SPTSSA: variants seen among roughly 807,000 people sequenced by gnomAD.
SPTSSA encodes serine palmitoyltransferase small subunit A, also known as small subunit of serine palmitoyltransferase A.
A neutral mutation model predicts 9.1 loss-of-function variants in SPTSSA; 8 were observed. The ratio of observed to expected loss-of-function variants is 0.88; its 90% CI spans 0.51 to 1.58. SPTSSA has a LOEUF of 1.58. Ranked by LOEUF, SPTSSA falls within the 40% of genes most tolerant of loss-of-function variation. SPTSSA has a pLI of 0.00. For missense variants in SPTSSA, 100 were observed against 93.8 expected, an observed-to-expected ratio of 1.07 and a Z score of -0.27; for synonymous variants, 42 against 37.7, an observed-to-expected ratio of 1.11 and a Z score of -0.41.
intron 1 of SPTSSA, among the ~76,000 whole-genome samples, chr14:34,449,502 CCTT>C (rs1883481451): frequency 7.6e-6 from 1 of 131,024 alleles, no homozygotes; most frequent in African/African-American, 3.3e-5. Context: ...ACCCGGCCTC[CCTT>C]TTTTTTTTTT....
chr14:34,453,677 T>C (rs530485449), intron 1 of SPTSSA, among the ~76,000 whole-genome samples: 28 of 152,326 alleles, frequency 1.8e-4, no homozygotes, highest in African/African-American at 6.3e-4. Context: ...CTATAAACCA[T>C]ATTATTTTGC....
rs575722580 is a variant in SPTSSA, at chr14:34,450,089, G to A, written c.112+12007C>T. On this transcript the variant is annotated intron_variant, in intron 1 of 1. Coordinates refer to ENST00000298130, the MANE Select transcript of SPTSSA (RefSeq NM_138288.4). Reference sequence around the variant, plus strand: ...CTAGTCTCCTTATCAATAAAATGTGGACACACATCACCTATCTTTCAGGGT... The same window carrying A: ...CTAGTCTCCTTATCAATAAAATGTGAACACACATCACCTATCTTTCAGGGT... 1.1e-3 allele frequency among the ~76,000 whole-genome samples: 163 copies of A among 152,250 alleles called. 1 individual carries two copies. The highest frequency in any genetic ancestry group is 6.0e-3 in the South Asian group (29 of 4,826).
At chr14:34,454,730 G>A (rs1883584459) in intron 1 of SPTSSA, among the ~76,000 whole-genome samples, 1 of 152,168 alleles carries the variant, frequency 6.6e-6, no homozygotes, top group Non-Finnish European at 1.5e-5. Context: ...TTTGCTGGTT[G>A]TCCTTCCCAT....
intron 1 of SPTSSA, among the ~76,000 whole-genome samples, chr14:34,448,753 T>C (rs139939436): frequency 0.011 from 1,658 of 152,270 alleles, 33 homozygotes; most frequent in African/African-American, 0.038. Context: ...TTGTTCAAGA[T>C]GCCAAGAACC....
Position 34,462,172 on chromosome 14 carries a change from C to T in SPTSSA, c.36G>A (p.Gln12=), listed in dbSNP as rs371299315. The change falls in exon 1 of 2, where the codon CAG becomes CAA. Residue 12 remains glutamine (Q), a synonymous_variant. Coordinates refer to ENST00000298130, the MANE Select transcript of SPTSSA (RefSeq NM_138288.4). The part of the protein sequence containing the change: ...AGMALARAWK[Q]MSWFYYQYLL... Reference sequence around the variant, plus strand: ...GGTACTGGTAGTAGAACCAGGACATCTGCTTCCAGGCCCGCGCCAGCGCCA... The same window carrying T: ...GGTACTGGTAGTAGAACCAGGACATTTGCTTCCAGGCCCGCGCCAGCGCCA... The T allele has an allele frequency of 7.6e-5, 116 of 1,534,802 alleles. No individual in the cohort carries two copies. The highest frequency in any genetic ancestry group is 3.5e-5 in the Non-Finnish European group (40 of 1,136,896).
chr14:34,442,018 G>A (rs1883325026), intron 1 of SPTSSA, among the ~76,000 whole-genome samples: 1 of 152,108 alleles, frequency 6.6e-6, no homozygotes. Context: ...TGGGATTACA[G>A]GCGCCCGCCA....
chr14:34,456,454 T>C (rs1878471511), intron 1 of SPTSSA, among the ~76,000 whole-genome samples: 1 of 152,226 alleles, frequency 6.6e-6, no homozygotes, highest in Admixed American at 6.5e-5. Flanking sequence ...ATGAACTGTC[T>C]TTCAGGGTGA....
intron 1 of SPTSSA, among the ~76,000 whole-genome samples, chr14:34,458,974 G>A (rs1175316247): frequency 1.2e-4 from 17 of 143,252 alleles, no homozygotes; most frequent in East Asian, 1.0e-3. Flanking sequence ...GCGTGATCTC[G>A]GCTCACTGCA....
chr14:34,460,948 A>T (rs1878604860), intron 1 of SPTSSA, among the ~76,000 whole-genome samples: 1 of 152,218 alleles, frequency 6.6e-6, no homozygotes, highest in Non-Finnish European at 1.5e-5. Context: ...CAAATTCCTC[A>T]AAAGTGCTTA....
rs1184950446 is a variant in SPTSSA, at chr14:34,434,931, C to T, written c.*270G>A. 1 of 231,964 alleles carries T rather than the reference C, an allele frequency of 4.3e-6. No homozygotes were observed. Among genetic ancestry groups the T allele is most frequent in the Non-Finnish European group, 8.3e-6 (1 of 119,928 alleles). 14.4% of individuals were successfully genotyped at this position (231,964 alleles called of 1,614,324 possible). A position where few individuals can be genotyped will look rare whatever the true frequency, so the allele number is the denominator to read the frequency against. On this transcript the variant is annotated 3_prime_UTR_variant, in exon 2 of 2. Coordinates refer to ENST00000298130, the MANE Select transcript of SPTSSA (RefSeq NM_138288.4). ...CACGGGGGTAATATTGAAACAGTCA[C>T]AAAGGTTAAGAAAATACTGATATCA...
intron 1 of SPTSSA, among the ~76,000 whole-genome samples, chr14:34,451,293 C>G (rs1240350741): frequency 6.6e-6 from 1 of 152,108 alleles, no homozygotes; most frequent in African/African-American, 2.4e-5. Context: ...TACATCTTCA[C>G]TAGTCTAAAT....
intron 1 of SPTSSA, among the ~76,000 whole-genome samples, chr14:34,459,920 G>A (rs1278524958): frequency 6.6e-6 from 1 of 152,216 alleles, no homozygotes; most frequent in East Asian, 1.9e-4. Flanking sequence ...TAAGTTGAAT[G>A]TAATGTTTAA....
At chr14:34,453,885 A>T (rs534418418) in intron 1 of SPTSSA, among the ~76,000 whole-genome samples, 8 of 91,662 alleles carry the variant, frequency 8.7e-5, no homozygotes, top group Admixed American at 1.1e-4. Context: ...TTGTTCTTTT[A>T]AAAAAAAAAA....
intron 1 of SPTSSA, among the ~76,000 whole-genome samples, chr14:34,452,564 AAAC>A (rs1326655360): frequency 6.6e-6 from 1 of 152,200 alleles, no homozygotes; most frequent in African/African-American, 2.4e-5. Flanking sequence ...AAAACTAAAC[AAAC>A]AACAAAGCAT....
intron 1 of SPTSSA, among the ~76,000 whole-genome samples, chr14:34,454,628 C>A (rs1239260086): frequency 6.6e-6 from 1 of 152,144 alleles, no homozygotes; most frequent in African/African-American, 2.4e-5. Flanking sequence ...GACAACTTTC[C>A]AGGAGGTTAG....
At chr14:34,440,611 G>T (rs1280720104) in intron 1 of SPTSSA, among the ~76,000 whole-genome samples, 1 of 152,186 alleles carries the variant, frequency 6.6e-6, no homozygotes, top group Non-Finnish European at 1.5e-5. Flanking sequence ...GCTGGGCGCG[G>T]TGGCTTACAC....
intron 1 of SPTSSA, among the ~76,000 whole-genome samples, chr14:34,449,108 G>A (rs918085308): frequency 1.3e-5 from 2 of 151,932 alleles, no homozygotes; most frequent in Non-Finnish European, 2.9e-5. Context: ...AAAAAATGCA[G>A]GCCAGGTGTG....
At chr14:34,443,691 A>G (rs1268804746) in intron 1 of SPTSSA, among the ~76,000 whole-genome samples, 3 of 151,946 alleles carry the variant, frequency 2.0e-5, no homozygotes, top group Non-Finnish European at 4.4e-5. Context: ...GCCCGCCACC[A>G]CACCCAGGTA....
intron 1 of SPTSSA, among the ~76,000 whole-genome samples, chr14:34,461,160 C>G (rs116823593): frequency 0.011 from 1,707 of 152,234 alleles, 35 homozygotes; most frequent in African/African-American, 0.038. Flanking sequence ...TTGTGAAATA[C>G]CTGTTTTGTA....
Sources: gnomAD v4.1 joint callset for allele counts (sites outside exome capture counted in the v4.1 genomes callset) on GRCh38, gnomAD v4.1.1 for gene constraint, MANE v1.5 for transcripts, NCBI Gene and HGNC (gene_info 2026-07-23, HGNC 2026-07-21) for gene names.